The following CCDC102B variants were observed in gnomAD, a reference collection of about 807,000 sequenced individuals.
CCDC102B encodes coiled-coil domain-containing protein 102B.
Under a neutral mutation model 57.4 loss-of-function variants are expected in CCDC102B, and 75 were observed. The observed-to-expected ratio is 1.31, with a 90% CI of 1.08 to 1.58. CCDC102B has a LOEUF of 1.58. Ranked by LOEUF, CCDC102B falls within the 40% of genes most tolerant of loss-of-function variation. CCDC102B has a pLI of 0.00. For synonymous variants in CCDC102B, 206 were observed against 201.9 expected, an observed-to-expected ratio of 1.02 and a Z score of -0.17; for missense variants, 636 against 582.6, an observed-to-expected ratio of 1.09 and a Z score of -0.94.
At chr18:68,969,647 C>A (rs2050251744) in intron 6 of CCDC102B, among the ~76,000 whole-genome samples, 1 of 151,818 alleles carries the variant, frequency 6.6e-6, no homozygotes, top group Non-Finnish European at 1.5e-5. Context: ...ACATATGCCA[C>A]AAAATTTACT....
intron 3 of CCDC102B, among the ~76,000 whole-genome samples, chr18:68,841,740 T>C (rs1250994791): frequency 6.6e-6 from 1 of 152,110 alleles, no homozygotes; most frequent in Non-Finnish European, 1.5e-5. Context: ...TTTTTTTCTT[T>C]TCTTTACTTT....
intron 6 of CCDC102B, among the ~76,000 whole-genome samples, chr18:68,909,985 G>A (rs181180460): frequency 1.1e-4 from 16 of 152,290 alleles, no homozygotes; most frequent in Admixed American, 8.5e-4. Flanking sequence ...GACCTTTTAT[G>A]AAATGGTTTA....
At chr18:68,926,306 T>A (rs1423917553) in intron 6 of CCDC102B, among the ~76,000 whole-genome samples, 1 of 151,500 alleles carries the variant, frequency 6.6e-6, no homozygotes, top group African/African-American at 2.4e-5. Flanking sequence ...ATATTTATAA[T>A]TTTTTAATGA....
chr18:69,044,634 G>A (rs185855511), intron 7 of CCDC102B, among the ~76,000 whole-genome samples: 37 of 152,178 alleles, frequency 2.4e-4, no homozygotes, highest in African/African-American at 8.4e-4. Flanking sequence ...ATTTACCTCC[G>A]CTGTGTGAGA....
chr18:68,922,166 T>C (rs1246884645), intron 6 of CCDC102B, among the ~76,000 whole-genome samples: 2 of 152,160 alleles, frequency 1.3e-5, no homozygotes, highest in East Asian at 3.9e-4. Flanking sequence ...TCATTTTCAC[T>C]TCTCATCTTA....
At chr18:68,923,009 A>AT (rs2041339302) in intron 6 of CCDC102B, among the ~76,000 whole-genome samples, 1 of 152,092 alleles carries the variant, frequency 6.6e-6, no homozygotes, top group Non-Finnish European at 1.5e-5. Context: ...ATGGCTTGCA[A>AT]TAAAAAAAAT....
At chr18:69,021,330 A>G (rs1160555614) in intron 7 of CCDC102B, among the ~76,000 whole-genome samples, 1 of 152,196 alleles carries the variant, frequency 6.6e-6, no homozygotes, top group East Asian at 1.9e-4. Context: ...TTTATCTATG[A>G]AAAAGATGTA....
intron 2 of CCDC102B, among the ~76,000 whole-genome samples, chr18:68,765,371 AAG>A (rs1160942442): frequency 6.8e-6 from 1 of 147,838 alleles, no homozygotes; most frequent in African/African-American, 2.6e-5. Context: ...GAAAGAAAGA[AAG>A]AAAGAAAAGA....
At chr18:69,034,930 C>T (rs2052247703) in intron 7 of CCDC102B, among the ~76,000 whole-genome samples, 1 of 151,782 alleles carries the variant, frequency 6.6e-6, no homozygotes, top group African/African-American at 2.4e-5. Flanking sequence ...AGAAAACTAT[C>T]TCCAGCCTGT....
intron 2 of CCDC102B, among the ~76,000 whole-genome samples, chr18:68,756,177 C>G (rs2034042852): frequency 6.6e-6 from 1 of 151,338 alleles, no homozygotes. Context: ...GAAATAAGAA[C>G]AAATAATATG....
intron 1 of CCDC102B, among the ~76,000 whole-genome samples, chr18:68,829,788 G>T (rs977257554): frequency 1.3e-5 from 2 of 152,034 alleles, no homozygotes; most frequent in Non-Finnish European, 2.9e-5. Flanking sequence ...CTTAGAAAAT[G>T]TATAGGAAAA....
chr18:68,771,670 G>A lies in CCDC102B; in HGVS notation c.-66-51696G>A, dbSNP rs147831767. On this transcript the variant is annotated intron_variant, in intron 2 of 3. Transcript: ENST00000578970. Reference sequence around the variant, plus strand: ...GGGCCTTGAAATTGTGCAGACATGTGGCTGTGGATACATTTGAATATCTGC... The same window carrying A: ...GGGCCTTGAAATTGTGCAGACATGTAGCTGTGGATACATTTGAATATCTGC... Among the ~76,000 whole-genome samples, 1,005 of 152,246 alleles carry A rather than the reference G, an allele frequency of 6.6e-3. 10 individuals carry two copies. The highest frequency in any genetic ancestry group is 0.022 in the African/African-American group (902 of 41,540).
intron 6 of CCDC102B, among the ~76,000 whole-genome samples, chr18:68,915,707 T>A (rs1434868378): frequency 6.6e-6 from 1 of 152,230 alleles, no homozygotes; most frequent in East Asian, 1.9e-4. Flanking sequence ...ATCAGCCTAA[T>A]ACCATATGAG....
At chr18:68,966,029 G>T (rs1011488929) in intron 6 of CCDC102B, among the ~76,000 whole-genome samples, 7 of 152,150 alleles carry the variant, frequency 4.6e-5, no homozygotes, top group Non-Finnish European at 8.8e-5. Flanking sequence ...CTGCTGAGAG[G>T]TCGAGGTAGG....
At chr18:68,955,212 T>C (rs1344793994) in intron 6 of CCDC102B, among the ~76,000 whole-genome samples, 1 of 152,146 alleles carries the variant, frequency 6.6e-6, no homozygotes, top group Non-Finnish European at 1.5e-5. Context: ...TGAGGGCTAT[T>C]CCGAAGCCAA....
intron 4 of CCDC102B, among the ~76,000 whole-genome samples, chr18:68,861,930 A>ATTTCT (rs2144884323): frequency 6.6e-6 from 1 of 152,358 alleles, no homozygotes; most frequent in South Asian, 2.1e-4. Flanking sequence ...AAATGGAATA[A>ATTTCT]TAGAAAGTGA....
intron 6 of CCDC102B, among the ~76,000 whole-genome samples, chr18:68,912,502 T>C (rs1454310121): frequency 2.0e-5 from 3 of 152,234 alleles, no homozygotes; most frequent in Admixed American, 6.5e-5. Context: ...GAAATCTGTT[T>C]TAACAAGTCA....
Position 68,970,281 on chromosome 18 carries a change from C to A in CCDC102B, c.1264-40653C>A, listed in dbSNP as rs143056725. Among the ~76,000 whole-genome samples the A allele has an allele frequency of 1.1e-3, 164 of 152,046 alleles. 1 individual carries two copies. Among genetic ancestry groups the A allele is most frequent in the African/African-American group, 3.7e-3 (155 of 41,536 alleles). On this transcript the variant is annotated intron_variant, in intron 6 of 7. Transcript: ENST00000360242. Reference sequence around the variant, plus strand: ...TCCTACTGGAAGAATATAGCTGAGACTGTTTTAATTTCAATAAATCAAAAT... The same window carrying A: ...TCCTACTGGAAGAATATAGCTGAGAATGTTTTAATTTCAATAAATCAAAAT...
intron 6 of CCDC102B, among the ~76,000 whole-genome samples, chr18:68,906,848 T>G (rs1211261394): frequency 1.2e-5 from 1 of 84,004 alleles, no homozygotes; most frequent in Non-Finnish European, 2.6e-5. Context: ...TTTTTTTTTT[T>G]TGTCATTTAT....
Sources: allele counts gnomAD v4.1 joint callset (sites outside exome capture counted in the v4.1 genomes callset), GRCh38; gene constraint gnomAD v4.1.1; transcripts MANE v1.5; gene names NCBI Gene and HGNC (gene_info 2026-07-23, HGNC 2026-07-21).